CRADD: variants seen among roughly 807,000 people sequenced by gnomAD.
CRADD encodes death domain-containing protein CRADD.
Under a neutral mutation model 15.5 loss-of-function variants are expected in CRADD, and 9 were observed. The observed-to-expected ratio is 0.58, with a 90% CI of 0.35 to 1.01. The LOEUF is 1.01. CRADD is among the 50% of genes least tolerant of loss of function. The probability of loss-of-function intolerance (pLI) is 0.02; values close to 1 mark genes in which losing one functional copy is unlikely to be tolerated. For synonymous variants in CRADD, 118 were observed against 107.6 expected, an observed-to-expected ratio of 1.10 and a Z score of -0.60; for missense variants, 227 against 250.3, an observed-to-expected ratio of 0.91 and a Z score of 0.63.
chr12:93,812,599 A>G (rs1957641821), intron 2 of CRADD, among the ~76,000 whole-genome samples: 1 of 152,172 alleles, frequency 6.6e-6, no homozygotes, highest in Admixed American at 6.5e-5. Flanking sequence ...AGATGTATCA[A>G]TTTTCATTAA....
At chr12:93,773,406 G>A (rs1957105869) in intron 2 of CRADD, among the ~76,000 whole-genome samples, 1 of 152,144 alleles carries the variant, frequency 6.6e-6, no homozygotes, top group Admixed American at 6.5e-5. Context: ...CCCTGCACAA[G>A]CTCTCATCTG....
At chr12:93,776,691 A>C (rs1265443885) in intron 2 of CRADD, among the ~76,000 whole-genome samples, 1 of 152,252 alleles carries the variant, frequency 6.6e-6, no homozygotes, top group Non-Finnish European at 1.5e-5. Context: ...ATGGATAAAC[A>C]AAATGGGGCA....
chr12:93,890,465 T>C (rs1958568177), intron 2 of CRADD, among the ~76,000 whole-genome samples: 1 of 152,180 alleles, frequency 6.6e-6, no homozygotes, highest in Non-Finnish European at 1.5e-5. Flanking sequence ...TTTTAAAAAA[T>C]GAAAAACATT....
chr12:93,782,892 G>A (rs1362611945), intron 2 of CRADD, among the ~76,000 whole-genome samples: 1 of 152,178 alleles, frequency 6.6e-6, no homozygotes, highest in African/African-American at 2.4e-5. Flanking sequence ...ATGTGTATAG[G>A]GAAATACGTG....
intron 2 of CRADD, among the ~76,000 whole-genome samples, chr12:93,843,937 G>A (rs560898464): frequency 1.8e-3 from 275 of 152,192 alleles, no homozygotes; most frequent in Middle Eastern, 0.014. Context: ...GGCCAGGCTG[G>A]TCTGGAACTC....
At chr12:93,707,902 C>T (rs1329286712) in intron 2 of CRADD, 3 of 152,186 alleles carry the variant, frequency 2.0e-5, no homozygotes, top group Non-Finnish European at 4.4e-5. Context: ...GCACAGCCTT[C>T]ATTTAGACAA....
chr12:93,795,721 C>T (rs1208516721), intron 2 of CRADD, among the ~76,000 whole-genome samples: 1 of 152,120 alleles, frequency 6.6e-6, no homozygotes, highest in African/African-American at 2.4e-5. Context: ...CTGTGGAAAA[C>T]AACCCATATA....
At chr12:93,876,379 C>T (rs1424553248) in intron 2 of CRADD, among the ~76,000 whole-genome samples, 7 of 152,096 alleles carry the variant, frequency 4.6e-5, no homozygotes, top group East Asian at 1.9e-4. Flanking sequence ...TTGGGAAGTT[C>T]TCTGATATTA....
intron 2 of CRADD, among the ~76,000 whole-genome samples, chr12:93,892,117 G>A (rs1291314520): frequency 2.0e-5 from 3 of 152,100 alleles, no homozygotes; most frequent in Non-Finnish European, 4.4e-5. Context: ...AAAGACCCCT[G>A]CTCTTCTGTC....
chr12:93,871,734 T>C (rs1256816385), intron 2 of CRADD, among the ~76,000 whole-genome samples: 1 of 152,202 alleles, frequency 6.6e-6, no homozygotes, highest in Admixed American at 6.5e-5. Flanking sequence ...TTGCAAATGA[T>C]TGGATTTGCA....
intron 2 of CRADD, among the ~76,000 whole-genome samples, chr12:93,750,871 T>TC (rs1956821051): frequency 6.6e-6 from 1 of 152,192 alleles, no homozygotes; most frequent in African/African-American, 2.4e-5. Context: ...AATTATAGTA[T>TC]GATAGAGAGG....
chr12:93,862,832 AT>A (rs2137060256), intron 2 of CRADD, among the ~76,000 whole-genome samples: 1 of 152,342 alleles, frequency 6.6e-6, no homozygotes, highest in South Asian at 2.1e-4. Flanking sequence ...CCACAGACAC[AT>A]TGAGGTAGAG....
intron 2 of CRADD, among the ~76,000 whole-genome samples, chr12:93,833,499 T>G (rs2137032113): frequency 6.6e-6 from 1 of 152,144 alleles, no homozygotes; most frequent in African/African-American, 2.4e-5. Context: ...CTACCATGCC[T>G]GGCTAATTTT....
chr12:93,843,669 C>T (rs1351781260), intron 2 of CRADD, among the ~76,000 whole-genome samples: 1 of 151,884 alleles, frequency 6.6e-6, no homozygotes, highest in Admixed American at 6.5e-5. Flanking sequence ...CGTGAGCCAC[C>T]GTGCCCAGCC....
intron 2 of CRADD, among the ~76,000 whole-genome samples, chr12:93,792,662 A>G (rs1957362558): frequency 6.6e-6 from 1 of 152,220 alleles, no homozygotes; most frequent in Admixed American, 6.5e-5. Flanking sequence ...AATATATGCC[A>G]GGTACTGTTT....
chr12:93,681,909 A>G lies in CRADD; in HGVS notation c.298+2837A>G, dbSNP rs766394455. On this transcript the variant is annotated intron_variant, in intron 2 of 2. Transcript: ENST00000332896. ...TATATATGTATATAGAGAGAGATAT[A>G]TATGTTTTTTGTGTGTGTGGGAAGG... Among the ~76,000 whole-genome samples the G allele has an allele frequency of 2.6e-4, 39 of 152,276 alleles. 1 individual carries two copies. Among genetic ancestry groups the G allele is most frequent in the Admixed American group, 5.9e-4 (9 of 15,292 alleles).
At chr12:93,876,464 C>A (rs1328835736) in intron 2 of CRADD, among the ~76,000 whole-genome samples, 1 of 152,072 alleles carries the variant, frequency 6.6e-6, no homozygotes, top group Non-Finnish European at 1.5e-5. Flanking sequence ...TAGATTTGTC[C>A]TTTTGAAGTT....
At chr12:93,856,737 G>A (rs987184037) in intron 2 of CRADD, among the ~76,000 whole-genome samples, 2 of 152,156 alleles carry the variant, frequency 1.3e-5, no homozygotes, top group African/African-American at 4.8e-5. Context: ...GTGACATTGA[G>A]AAACATGTGG....
chr12:93,779,901 T>G (rs1208519595), intron 2 of CRADD, among the ~76,000 whole-genome samples: 2 of 152,164 alleles, frequency 1.3e-5, no homozygotes, highest in African/African-American at 4.8e-5. Context: ...GGAACCATTT[T>G]AAGATCAAGG....
Sources: gnomAD v4.1 joint callset for allele counts (sites outside exome capture counted in the v4.1 genomes callset) on GRCh38, gnomAD v4.1.1 for gene constraint, MANE v1.5 for transcripts, NCBI Gene and HGNC (gene_info 2026-07-23, HGNC 2026-07-21) for gene names.